The following GALNTL6 variants were observed in gnomAD, a reference collection of about 807,000 sequenced individuals.
The protein encoded by GALNTL6 is polypeptide N-acetylgalactosaminyltransferase like 6.
A neutral mutation model predicts 73.7 loss-of-function variants in GALNTL6; 46 were observed. The ratio of observed to expected loss-of-function variants is 0.62; its 90% CI spans 0.49 to 0.80. The LOEUF (loss-of-function observed/expected upper bound fraction) is 0.80. Ranked by LOEUF, GALNTL6 falls within the 30% of genes least tolerant of loss-of-function variation. The pLI is 0.00. For missense variants in GALNTL6, 604 were observed against 755.0 expected (o/e 0.80, Z 2.34); for synonymous variants, 259 against 263.7 (o/e 0.98, Z 0.17).
intron 2 of GALNTL6, among the ~76,000 whole-genome samples, chr4:172,084,682 A>G (rs1179237652): frequency 6.6e-6 from 1 of 152,160 alleles, no homozygotes; most frequent in Non-Finnish European, 1.5e-5. Flanking sequence ...ATTTTTTTAA[A>G]TAGCCCACTG....
rs538306540 is a variant in GALNTL6, at chr4:172,298,052, T to C, written c.248-13562T>C. On this transcript the variant is annotated intron_variant, in intron 3 of 12. Coordinates refer to ENST00000506823, the MANE Select transcript of GALNTL6 (RefSeq NM_001034845.3). The stretch of plus-strand genomic sequence containing the variant: ...TTGAGCAGTGGGTTTGTAGTTCTCC[T>C]TGAAGAGGTCCTTCACATCCCTTGT... 2.6e-5 allele frequency among the ~76,000 whole-genome samples: 4 copies of C among 152,336 alleles called. No individual in the cohort carries two copies. In the South Asian group the frequency reaches 8.3e-4, roughly 32 times the overall value.
intron 2 of GALNTL6, among the ~76,000 whole-genome samples, chr4:171,828,768 A>G (rs567798135): frequency 1.2e-4 from 19 of 152,208 alleles, no homozygotes; most frequent in African/African-American, 4.6e-4. Flanking sequence ...GACTACAGGC[A>G]CATGCTACTG....
intron 3 of GALNTL6, among the ~76,000 whole-genome samples, chr4:172,310,735 C>G (rs1332199662): frequency 1.3e-5 from 2 of 151,566 alleles, no homozygotes; most frequent in African/African-American, 4.9e-5. Flanking sequence ...TAAATAGATA[C>G]TAAAAGTGAT....
intron 5 of GALNTL6, among the ~76,000 whole-genome samples, chr4:172,660,283 C>A (rs975524939): frequency 6.6e-6 from 1 of 152,200 alleles, no homozygotes; most frequent in African/African-American, 2.4e-5. Flanking sequence ...CCCACTAGAG[C>A]ATACTCTAGA....
intron 2 of GALNTL6, among the ~76,000 whole-genome samples, chr4:172,222,483 TG>T (rs1208734028): frequency 1.3e-5 from 2 of 151,982 alleles, no homozygotes; most frequent in Non-Finnish European, 2.9e-5. Flanking sequence ...GCCTAAAAGA[TG>T]TGTCATCAAG....
intron 2 of GALNTL6, among the ~76,000 whole-genome samples, chr4:171,827,431 G>A (rs1734853195): frequency 6.6e-6 from 1 of 152,112 alleles, no homozygotes; most frequent in South Asian, 2.1e-4. Flanking sequence ...CTTTAAGTTT[G>A]AATTATGTAA....
intron 2 of GALNTL6, among the ~76,000 whole-genome samples, chr4:171,947,010 G>A (rs1346951447): frequency 6.6e-6 from 1 of 152,066 alleles, no homozygotes; most frequent in Non-Finnish European, 1.5e-5. Context: ...TGGATTAGAT[G>A]TCGGGAGATG....
At chr4:172,133,839 A>G (rs1347647258) in intron 2 of GALNTL6, among the ~76,000 whole-genome samples, 1 of 152,256 alleles carries the variant, frequency 6.6e-6, no homozygotes, top group Non-Finnish European at 1.5e-5. Context: ...GTAGAGAGCA[A>G]TGTATTTGGA....
At chr4:172,778,630 A>T (rs1281299484) in intron 5 of GALNTL6, among the ~76,000 whole-genome samples, 2 of 152,230 alleles carry the variant, frequency 1.3e-5, no homozygotes, top group Non-Finnish European at 2.9e-5. Flanking sequence ...TGACACTGCC[A>T]TGGCATGTTT....
chr4:172,761,428 T>C (rs778108997), intron 5 of GALNTL6, among the ~76,000 whole-genome samples: 2 of 152,190 alleles, frequency 1.3e-5, no homozygotes, highest in African/African-American at 4.8e-5. Flanking sequence ...TGGGATAAGC[T>C]ACTAGAGAAG....
chr4:172,148,989 G>A (rs918875201), intron 2 of GALNTL6, among the ~76,000 whole-genome samples: 9 of 152,090 alleles, frequency 5.9e-5, no homozygotes, highest in Non-Finnish European at 1.2e-4. Flanking sequence ...CCATAGCTAA[G>A]GCTTGTCTAT....
intron 2 of GALNTL6, among the ~76,000 whole-genome samples, chr4:172,206,814 G>T (rs147944536): frequency 0.64 from 36,473 of 57,046 alleles, 9,602 homozygotes; most frequent in Middle Eastern, 0.66. Flanking sequence ...TGTTTTTTTT[G>T]TTTGTTTTTT....
chr4:171,917,179 C>T (rs966931130), intron 2 of GALNTL6, among the ~76,000 whole-genome samples: 3 of 151,862 alleles, frequency 2.0e-5, no homozygotes, highest in African/African-American at 7.3e-5. Context: ...GTTGCAAATT[C>T]GTCAGATATT....
intron 5 of GALNTL6, among the ~76,000 whole-genome samples, chr4:172,788,040 GT>G (rs1364222673): frequency 1.3e-5 from 2 of 152,098 alleles, no homozygotes; most frequent in Non-Finnish European, 2.9e-5. Flanking sequence ...ACTTGAAAAT[GT>G]TTATAGCTAA....
intron 7 of GALNTL6, among the ~76,000 whole-genome samples, chr4:172,865,564 A>G (rs773365616): frequency 1.1e-4 from 17 of 152,246 alleles, no homozygotes; most frequent in Non-Finnish European, 2.4e-4. Context: ...GGTGAACAAC[A>G]ACTATAATTG....
intron 2 of GALNTL6, among the ~76,000 whole-genome samples, chr4:172,084,196 T>C (rs1030309697): frequency 1.2e-4 from 18 of 152,120 alleles, no homozygotes; most frequent in African/African-American, 4.1e-4. Context: ...GACATTGAAA[T>C]TGACTTCTAA....
chr4:172,882,514 A>G (rs867836674), intron 7 of GALNTL6, among the ~76,000 whole-genome samples: 1 of 152,204 alleles, frequency 6.6e-6, no homozygotes, highest in African/African-American at 2.4e-5. Context: ...CTAGTGATAA[A>G]CAAGTGGAGC....
intron 2 of GALNTL6, among the ~76,000 whole-genome samples, chr4:172,218,375 G>T (rs1008070324): frequency 2.0e-5 from 3 of 152,076 alleles, no homozygotes; most frequent in African/African-American, 4.8e-5. Flanking sequence ...CCATGAGAGG[G>T]TTTTTCTTGG....
At chr4:172,752,420 A>G (rs912537344) in intron 5 of GALNTL6, among the ~76,000 whole-genome samples, 11 of 152,280 alleles carry the variant, frequency 7.2e-5, no homozygotes, top group Admixed American at 6.5e-4. Context: ...CCAATTTTGC[A>G]CTTCAAATTT....
Sources: allele counts gnomAD v4.1 joint callset (sites outside exome capture counted in the v4.1 genomes callset), GRCh38; gene constraint gnomAD v4.1.1; transcripts MANE v1.5; gene names NCBI Gene and HGNC (gene_info 2026-07-23, HGNC 2026-07-21).